DYNLT3: variants seen among roughly 807,000 people sequenced by gnomAD.
DYNLT3 encodes the protein dynein light chain Tctex-type 3.
DYNLT3 carries 4 observed loss-of-function variants against 11.0 expected under a neutral mutation model. That is an observed-to-expected ratio of 0.36 (90% CI 0.18 to 0.83). The LOEUF (loss-of-function observed/expected upper bound fraction) is 0.83, where lower values mean the gene tolerates loss of function less well. DYNLT3 is among the 40% of genes least tolerant of loss of function. The pLI, the probability that DYNLT3 is intolerant of heterozygous loss-of-function variation, is 0.47. For synonymous variants in DYNLT3, 37 were observed against 31.2 expected (o/e 1.18, Z -0.61); for missense variants, 91 against 91.1 (o/e 1.00, Z 0.01).
chrX:37,846,853 T>G (rs962221082), intron 1 of DYNLT3, among the ~76,000 whole-genome samples: 1 of 112,022 alleles, frequency 8.9e-6, no homozygotes, highest in African/African-American at 3.3e-5. Flanking sequence ...ACTTGATAAC[T>G]CAAGATTAAT....
Position 37,839,912 on chromosome X carries a change from G to A in DYNLT3, c.*663C>T, listed in dbSNP as rs2146832949. The A allele has an allele frequency of 9.0e-6, 1 of 111,682 alleles. No individual in the cohort carries two copies. Among genetic ancestry groups the A allele is most frequent in the South Asian group, 3.7e-4 (1 of 2,707 alleles). 9.2% of individuals were successfully genotyped at this position (111,682 alleles called of 1,213,427 possible). A position where few individuals can be genotyped will look rare whatever the true frequency, so the allele number is the denominator to read the frequency against. ...AGTCATACACTGTTCATCATATACTGCAACTAATTTTATTTAACTAGGAAA... is the reference window on the plus strand; with the variant it reads ...AGTCATACACTGTTCATCATATACTACAACTAATTTTATTTAACTAGGAAA... On this transcript the variant is annotated 3_prime_UTR_variant, in exon 5 of 5. Transcript: ENST00000378578.
chrX:37,840,499 C>T lies in DYNLT3; in HGVS notation c.*76G>A. On this transcript the variant is annotated 3_prime_UTR_variant, in exon 5 of 5. Transcript: ENST00000378578. Reference sequence around the variant, plus strand: ...GCTTTTCATCTAGCACACTAGTAAACAACTATTACTCTTTTTGGAAAGGAT... The same window carrying T: ...GCTTTTCATCTAGCACACTAGTAAATAACTATTACTCTTTTTGGAAAGGAT... 3 of 937,899 alleles carry T rather than the reference C, an allele frequency of 3.2e-6. No individual in the cohort carries two copies. The highest frequency in any genetic ancestry group is 4.4e-6 in the Non-Finnish European group (3 of 688,867). The allele number at this position is 937,899 out of a possible 1,213,427, so 77.3% of individuals were successfully genotyped here.
intron 2 of DYNLT3, 38 bp downstream of exon 2, chrX:37,846,279 T>C: frequency 8.4e-7 from 1 of 1,192,984 alleles, no homozygotes; most frequent in Non-Finnish European, 1.1e-6. Context: ...TCTCCACCAG[T>C]GCAGCAAGCT....
chrX:37,844,046 GC>G (rs766771119), intron 2 of DYNLT3, among the ~76,000 whole-genome samples: 1 of 111,541 alleles, frequency 9.0e-6, no homozygotes, highest in Non-Finnish European at 1.9e-5. Flanking sequence ...TTCAAGAGAA[GC>G]TTGTTTTGAC....
At chrX:37,840,708 A>G in intron 4 of DYNLT3, 57 bp from the exon 5 acceptor site, 1 of 402,497 alleles carries the variant, frequency 2.5e-6, no homozygotes, top group East Asian at 7.6e-5. Context: ...TTATCAGAGA[A>G]TATATATATA....
intron 4 of DYNLT3, 72 bp from the exon 5 acceptor site, chrX:37,840,723 TACACAC>T (rs750332268): frequency 2.0e-4 from 81 of 413,103 alleles, no homozygotes; most frequent in East Asian, 5.8e-4. Flanking sequence ...TATATATATA[TACACAC>T]ACACACACAC....
intron 2 of DYNLT3, 65 bp from the exon 3 acceptor site, chrX:37,841,970 C>A (rs1479244877): frequency 2.1e-6 from 2 of 958,828 alleles, no homozygotes; most frequent in East Asian, 7.0e-5. Context: ...AATTTTTACA[C>A]AAATTGCAGT....
rs1930102331 is a variant in DYNLT3, at chrX:37,839,572, A to G, written c.*1003T>C. On this transcript the variant is annotated 3_prime_UTR_variant, in exon 5 of 5. Coordinates refer to ENST00000378578, the MANE Select transcript of DYNLT3 (RefSeq NM_006520.3). ...CCTTTAACTAAGAGTTGCATATTTT[A>G]TATGCACTTTTAACTTGCTAGGAGC... is the stretch of plus-strand genomic sequence containing the variant. The G allele has an allele frequency of 8.9e-6, 1 of 112,546 alleles. No homozygotes were observed. The highest frequency in any genetic ancestry group is 1.9e-5 in the Non-Finnish European group (1 of 53,226). The allele number at this position is 112,546 out of a possible 1,213,427, so 9.3% of individuals were successfully genotyped here. A position where few individuals can be genotyped will look rare whatever the true frequency, so the allele number is the denominator to read the frequency against.
At chrX:37,847,163 G>T (rs1930281742) in intron 1 of DYNLT3, 18 of 1,129,210 alleles carry the variant, frequency 1.6e-5, no homozygotes, top group South Asian at 2.1e-5. Context: ...TTCGAGGCCC[G>T]CCCGGTAGGA....
At chrX:37,846,133 T>G (rs1030926503) in intron 2 of DYNLT3, among the ~76,000 whole-genome samples, 184 bp downstream of exon 2, 12 of 112,430 alleles carry the variant, frequency 1.1e-4, no homozygotes, top group African/African-American at 3.9e-4. Flanking sequence ...ATCACACCAC[T>G]GTTCTCCAGC....
In DYNLT3 at chrX:37,840,735, C is replaced by T. The variant is rs1210938851; in HGVS notation, c.275-84G>A. The T allele has an allele frequency of 2.9e-5, 15 of 524,209 alleles. No homozygotes were observed. The African/African-American group carries it at 4.1e-4, about 14-fold the overall frequency. The allele number at this position is 524,209 out of a possible 1,213,427, so 43.2% of individuals were successfully genotyped here. A position where few individuals can be genotyped will look rare whatever the true frequency, so the allele number is the denominator to read the frequency against. Reference sequence around the variant, plus strand: ...ATATATATATATATACACACACACACACACACACACACATATACACACACA... The same window carrying T: ...ATATATATATATATACACACACACATACACACACACACATATACACACACA... On this transcript the variant is annotated intron_variant, in intron 4 of 4. Coordinates refer to ENST00000378578, the MANE Select transcript of DYNLT3 (RefSeq NM_006520.3).
At position 37,840,641 on chromosome X, in the gene DYNLT3, G is replaced by A. The variant is rs1390257459; in HGVS notation, c.285C>T (p.Thr95=). 5.9e-6 allele frequency: 7 copies of A among 1,190,850 alleles called. No individual in the cohort carries two copies. Among genetic ancestry groups the A allele is most frequent in the Admixed American group, 4.6e-5 (2 of 43,566 alleles). The change falls in exon 5 of 5, where the codon ACC becomes ACT. Residue 95 remains threonine (T), a synonymous_variant. Coordinates refer to ENST00000378578, the MANE Select transcript of DYNLT3 (RefSeq NM_006520.3). The part of the protein sequence containing the change: ...FWDTTSDGTC[T]VRWENRTMNC... ...TCATGGTCCGGTTCTCCCATCTTACGGTACAGGTTCCTGAAACACAAAAAA... is the reference window on the plus strand; with the variant it reads ...TCATGGTCCGGTTCTCCCATCTTACAGTACAGGTTCCTGAAACACAAAAAA...
intron 1 of DYNLT3, 145 bp downstream of exon 1, chrX:37,847,336 C>G (rs1337906698): frequency 1.5e-5 from 14 of 916,235 alleles, no homozygotes; most frequent in Non-Finnish European, 2.0e-5. Context: ...CGGGGCGGAT[C>G]CCGGGCCCAG....
chrX:37,845,397 G>A (rs1278702770), intron 2 of DYNLT3, among the ~76,000 whole-genome samples: 2 of 111,654 alleles, frequency 1.8e-5, no homozygotes, highest in Non-Finnish European at 3.8e-5. Flanking sequence ...AATAATGAAC[G>A]GTCCCCTGCC....
rs1482404505 is a variant in DYNLT3 at position 37,840,482 on chromosome X, T to C, written c.*93A>G. The C allele has an allele frequency of 1.3e-5, 10 of 787,541 alleles. No homozygotes were observed. The highest frequency in any genetic ancestry group is 1.6e-5 in the Non-Finnish European group (9 of 566,761). 64.9% of individuals were successfully genotyped at this position (787,541 alleles called of 1,213,427 possible). ...TTTAAAGCATATTGCACGCTTTTCATCTAGCACACTAGTAAACAACTATTA... is the reference window on the plus strand; with the variant it reads ...TTTAAAGCATATTGCACGCTTTTCACCTAGCACACTAGTAAACAACTATTA... On this transcript the variant is annotated 3_prime_UTR_variant, in exon 5 of 5. Transcript: ENST00000378578.
In DYNLT3 at chrX:37,840,807, T is replaced by C. The variant is rs768830076; in HGVS notation, c.275-156A>G. On this transcript the variant is annotated intron_variant, in intron 4 of 4. Transcript: ENST00000378578. ...ACACACACATATATATATATATATA[T>C]ACACATACATTTTTCACATGTTTTA... Among the ~76,000 whole-genome samples, 1,195 of 59,904 alleles carry C rather than the reference T, an allele frequency of 0.02. 12 individuals carry two copies. The highest frequency in any genetic ancestry group is 0.027 in the Non-Finnish European group (871 of 32,640). The allele number at this position is 59,904 out of a possible 115,157, so 52.0% of individuals were successfully genotyped here. A position where few individuals can be genotyped will look rare whatever the true frequency, so the allele number is the denominator to read the frequency against.
intron 4 of DYNLT3, 100 bp downstream of exon 4, chrX:37,840,926 CTT>C (rs1930142386): frequency 1.4e-5 from 12 of 876,758 alleles, no homozygotes; most frequent in Non-Finnish European, 2.0e-5. Flanking sequence ...TGTTGATAGT[CTT>C]TTCAGAATTT....
chrX:37,841,478 A>G (rs1930157194), intron 3 of DYNLT3, among the ~76,000 whole-genome samples: 1 of 111,097 alleles, frequency 9.0e-6, no homozygotes, highest in African/African-American at 3.3e-5. Flanking sequence ...ACAGGTAAAG[A>G]GGCATGGGAC....
chrX:37,843,729 T>C (rs1395944759), intron 2 of DYNLT3, among the ~76,000 whole-genome samples: 1 of 111,650 alleles, frequency 9.0e-6, no homozygotes, highest in Non-Finnish European at 1.9e-5. Context: ...TGGGTGTCTC[T>C]GAGTTCAGAA....
Sources: allele counts gnomAD v4.1 joint callset (sites outside exome capture counted in the v4.1 genomes callset), GRCh38; gene constraint gnomAD v4.1.1; transcripts MANE v1.5; gene names NCBI Gene and HGNC (gene_info 2026-07-23, HGNC 2026-07-21).